Variants in EXOC2 observed in about 807,000 individuals in gnomAD.
EXOC2 encodes exocyst complex component 2, also known as SEC5-like 1.
A neutral mutation model predicts 131.8 loss-of-function variants in EXOC2; 70 were observed. That is an observed-to-expected ratio of 0.53 (90% CI 0.44 to 0.65). The LOEUF (loss-of-function observed/expected upper bound fraction) is 0.65. Among genes scored for constraint, EXOC2 ranks in the 30% least tolerant of loss-of-function variants. The probability of loss-of-function intolerance (pLI) is 0.00; values close to 1 mark genes in which losing one functional copy is unlikely to be tolerated. For missense variants in EXOC2, 923 were observed against 1,108.6 expected (o/e 0.83, Z 2.38); for synonymous variants, 411 against 398.4 (o/e 1.03, Z -0.38).
chr6:490,005 C>T (rs933702332), intron 26 of EXOC2, among the ~76,000 whole-genome samples: 10 of 152,208 alleles, frequency 6.6e-5, no homozygotes, highest in African/African-American at 1.9e-4. Context: ...CCACATTCAG[C>T]GGCCTCTTTC....
At chr6:616,718 G>A (rs1761032298) in intron 6 of EXOC2, among the ~76,000 whole-genome samples, 1 of 151,506 alleles carries the variant, frequency 6.6e-6, no homozygotes, top group Non-Finnish European at 1.5e-5. Context: ...TATGGCACAG[G>A]AAGAGGGGGG....
chr6:659,687 A>T (rs1397938974), intron 1 of EXOC2, among the ~76,000 whole-genome samples: 1 of 152,210 alleles, frequency 6.6e-6, no homozygotes, highest in Non-Finnish European at 1.5e-5. Flanking sequence ...ACAGGGGTAG[A>T]GGCAGCAGAA....
At chr6:517,330 G>T (rs988075399) in intron 23 of EXOC2, among the ~76,000 whole-genome samples, 32 of 151,792 alleles carry the variant, frequency 2.1e-4, no homozygotes, top group African/African-American at 7.0e-4. Flanking sequence ...CACAAAGAGG[G>T]CACAACTAAA....
At position 486,549 on chromosome 6, in the gene EXOC2, G is replaced by C. The variant is rs528554451; in HGVS notation, c.*122C>G. 1.2e-6 allele frequency: 1 copy of C among 853,054 alleles called. No individual in the cohort carries two copies. Among genetic ancestry groups the C allele is most frequent in the East Asian group, 2.5e-5 (1 of 39,732 alleles). 52.8% of individuals were successfully genotyped at this position (853,054 alleles called of 1,614,324 possible). A position where few individuals can be genotyped will look rare whatever the true frequency, so the allele number is the denominator to read the frequency against. On this transcript the variant is annotated 3_prime_UTR_variant, in exon 28 of 28. Transcript: ENST00000230449. ...TATACCAACAATTTTCGAAGTCAGAGGAAGAAAAAAGAGAAAAATGGCAAA... is the reference window on the plus strand; with the variant it reads ...TATACCAACAATTTTCGAAGTCAGACGAAGAAAAAAGAGAAAAATGGCAAA...
intron 27 of EXOC2, 55 bp from the exon 28 acceptor site, chr6:486,819 G>T: frequency 7.1e-7 from 1 of 1,412,344 alleles, no homozygotes; most frequent in Non-Finnish European, 1.0e-6. Flanking sequence ...GCCTAGCAAC[G>T]CAAGAAAACA....
intron 1 of EXOC2, among the ~76,000 whole-genome samples, chr6:678,722 C>T (rs1021023783): frequency 9.9e-5 from 15 of 152,190 alleles, no homozygotes; most frequent in African/African-American, 3.6e-4. Context: ...GGGGGAAGTG[C>T]TTCTTTAAAG....
chr6:491,168 C>T lies in EXOC2; in HGVS notation c.2578G>A (p.Ala860Thr). ...GALQARLEIC[A>T]LRDTVAVYLT... is the part of the protein sequence containing the mutation. ...TAAACAGCCACAGTGTCCCTCAAAG[C>T]ACAGATTTCAAGTCTCGCCTGAAAA... Residue 860 changes from alanine (A) to threonine (T), a missense_variant, in exon 26 of 28, where the codon GCT (alanine) becomes ACT (threonine). Ala to Thr is a moderately conservative substitution (Grantham distance 58). Coordinates refer to ENST00000230449, the MANE Select transcript of EXOC2 (RefSeq NM_018303.6). 1 of 1,614,144 alleles carries T rather than the reference C, an allele frequency of 6.2e-7. No individual in the cohort carries two copies. The highest frequency in any genetic ancestry group is 8.5e-7 in the Non-Finnish European group (1 of 1,180,030).
chr6:532,866 A>G (rs1426014978), intron 22 of EXOC2, among the ~76,000 whole-genome samples: 1 of 152,226 alleles, frequency 6.6e-6, no homozygotes, highest in Non-Finnish European at 1.5e-5. Context: ...AGAACTGCCC[A>G]AGATTAGGTA....
chr6:591,213 G>A (rs986852110), intron 11 of EXOC2, among the ~76,000 whole-genome samples: 21 of 152,102 alleles, frequency 1.4e-4, no homozygotes, highest in African/African-American at 4.8e-5. Flanking sequence ...CACTATGGGC[G>A]GCCAGAGTCG....
At position 630,163 on chromosome 6, in the gene EXOC2, C is replaced by T. The variant is rs574302261; in HGVS notation, c.296-202G>A. Among the ~76,000 whole-genome samples the T allele has an allele frequency of 7.2e-5, 11 of 152,152 alleles. No homozygotes were observed. In the East Asian group the frequency reaches 1.9e-3, roughly 27 times the overall value. On this transcript the variant is annotated intron_variant, in intron 3 of 27. Coordinates refer to ENST00000230449, the MANE Select transcript of EXOC2 (RefSeq NM_018303.6). The stretch of plus-strand genomic sequence containing the variant: ...AGCACTAAAAAAATTTATAAAAAGG[C>T]AAAAATTACACCTCTCAGCTTATGG...
At position 488,090 on chromosome 6, in the gene EXOC2, C is replaced by T. The variant is rs546559611; in HGVS notation, c.2681+889G>A. Among the ~76,000 whole-genome samples, 3 of 152,362 alleles carry T rather than the reference C, an allele frequency of 2.0e-5. No individual in the cohort carries two copies. The South Asian group carries it at 6.2e-4, about 32-fold the overall frequency. On this transcript the variant is annotated intron_variant, in intron 27 of 27. Transcript: ENST00000230449. ...TGTGCAGGCACTGTCTGCACAGCTG[C>T]CATGTGCCCACGTGGGATGCGTGCG...
intron 21 of EXOC2, among the ~76,000 whole-genome samples, chr6:552,343 G>T (rs1195735716): frequency 6.6e-6 from 1 of 152,192 alleles, no homozygotes; most frequent in East Asian, 1.9e-4. Flanking sequence ...TGCATTTCAT[G>T]CTTCTTGCTT....
intron 13 of EXOC2, among the ~76,000 whole-genome samples, chr6:568,792 A>T (rs1029476910): frequency 2.6e-5 from 4 of 152,236 alleles, no homozygotes; most frequent in African/African-American, 9.6e-5. Flanking sequence ...CATATTTTTA[A>T]ATCAAAGAAA....
At chr6:636,218 C>T (rs1762096223) in intron 2 of EXOC2, among the ~76,000 whole-genome samples, 1 of 152,208 alleles carries the variant, frequency 6.6e-6, no homozygotes. Flanking sequence ...GACGGAACCC[C>T]CACCTGTGTG....
chr6:594,351 A>G (rs1759699670), intron 10 of EXOC2, among the ~76,000 whole-genome samples: 1 of 152,216 alleles, frequency 6.6e-6, no homozygotes. Context: ...ACGTGATTCT[A>G]TGCTTTCTTG....
intron 22 of EXOC2, among the ~76,000 whole-genome samples, chr6:540,676 AGT>A (rs1042545670): frequency 5.9e-5 from 9 of 152,174 alleles, no homozygotes; most frequent in African/African-American, 1.9e-4. Context: ...TGAAGAATAG[AGT>A]GAGAAGGTCT....
intron 23 of EXOC2, chr6:524,147 A>ATAATC (rs1765625275): frequency 6.6e-6 from 1 of 152,216 alleles, no homozygotes; most frequent in Admixed American, 6.5e-5. Context: ...AAAATGTCTT[A>ATAATC]TAATCCTTAT....
At chr6:590,015 T>A (rs895210598) in intron 11 of EXOC2, among the ~76,000 whole-genome samples, 3 of 151,786 alleles carry the variant, frequency 2.0e-5, no homozygotes, top group African/African-American at 7.3e-5. Flanking sequence ...CTTGGGAGGC[T>A]GAGGCAGGAG....
intron 21 of EXOC2, among the ~76,000 whole-genome samples, chr6:551,587 A>AGCAGGACCACCCCAAGT (rs1460819446): frequency 6.6e-6 from 1 of 152,096 alleles, no homozygotes; most frequent in Non-Finnish European, 1.5e-5. Flanking sequence ...GAGGCACAAG[A>AGCAGGACCACCCCAAGT]GCAGGACCAC....
Sources: allele counts gnomAD v4.1 joint callset (sites outside exome capture counted in the v4.1 genomes callset), GRCh38; gene constraint gnomAD v4.1.1; transcripts MANE v1.5; gene names NCBI Gene and HGNC (gene_info 2026-07-23, HGNC 2026-07-21).